Variants in AFF3 observed in about 807,000 individuals in gnomAD.
The protein encoded by AFF3 is ALF transcription elongation factor 3.
AFF3 carries 32 observed loss-of-function variants against 129.7 expected under a neutral mutation model. The ratio of observed to expected loss-of-function variants is 0.25; its 90% CI spans 0.19 to 0.33. The LOEUF is 0.33. Among genes scored for constraint, AFF3 ranks in the 10% least tolerant of loss-of-function variants. The pLI is 1.00. For synonymous variants in AFF3, 644 were observed against 635.4 expected (o/e 1.01, Z -0.20); for missense variants, 1,373 against 1,592.0 (o/e 0.86, Z 2.34).
intron 4 of AFF3, among the ~76,000 whole-genome samples, chr2:100,092,746 C>T (rs541683794): frequency 0.012 from 1,834 of 152,048 alleles, 28 homozygotes; most frequent in African/African-American, 0.042. Flanking sequence ...CCGCTCCCAG[C>T]CTGGCTAACT....
At chr2:100,073,529 T>G (rs1688364759) in intron 4 of AFF3, among the ~76,000 whole-genome samples, 1 of 152,192 alleles carries the variant, frequency 6.6e-6, no homozygotes. Context: ...GCTGTGGGAC[T>G]TTATAGGGCA....
intron 17 of AFF3, among the ~76,000 whole-genome samples, chr2:99,580,365 A>G (rs1677412805): frequency 6.6e-6 from 1 of 152,122 alleles, no homozygotes; most frequent in South Asian, 2.1e-4. Flanking sequence ...AGCAGAGTTG[A>G]GTAGCTGGGA....
chr2:99,949,836 T>C (rs1576413282), intron 7 of AFF3, among the ~76,000 whole-genome samples: 1 of 152,042 alleles, frequency 6.6e-6, no homozygotes, highest in African/African-American at 2.4e-5. Flanking sequence ...GGCCCAGGGG[T>C]TGGGGACTCT....
rs75176854 is a variant in AFF3 at position 100,124,678 on chromosome 2, G to C, written c.-145+4546C>G. Reference sequence around the variant, plus strand: ...TGGAGCAGAAGGGGGGAGATGGGGGGGTGTATCAGGTCTTCAGGAAAAGGG... The same window carrying C: ...TGGAGCAGAAGGGGGGAGATGGGGGCGTGTATCAGGTCTTCAGGAAAAGGG... On this transcript the variant is annotated intron_variant, in intron 2 of 24. Coordinates refer to ENST00000672756, the MANE Select transcript of AFF3 (RefSeq NM_001386135.1). 2.8e-3 allele frequency among the ~76,000 whole-genome samples: 424 copies of C among 149,884 alleles called. 1 individual carries two copies. Among genetic ancestry groups the C allele is most frequent in the African/African-American group, 9.3e-3 (380 of 40,680 alleles).
At chr2:99,578,764 G>A (rs1677230812) in intron 17 of AFF3, among the ~76,000 whole-genome samples, 1 of 152,204 alleles carries the variant, frequency 6.6e-6, no homozygotes, top group South Asian at 2.1e-4. Context: ...CTGTGGTGGA[G>A]GCCAGGGGTT....
At position 99,727,128 on chromosome 2, in the gene AFF3, T is replaced by G; in HGVS notation, c.1040A>C (p.Lys347Thr). 1 of 1,609,344 alleles carries G rather than the reference T, an allele frequency of 6.2e-7. No individual in the cohort carries two copies. The highest frequency in any genetic ancestry group is 8.5e-7 in the Non-Finnish European group (1 of 1,178,718). The change falls in exon 11 of 25, where the codon AAG becomes ACG. Residue 347 changes from lysine (K) to threonine (T), a missense_variant and splice_region_variant. Physicochemically the swap from Lys to Thr is moderately conservative, Grantham distance 78 (BLOSUM62 -1). Transcript: ENST00000672756. ...QLVSSGHNNPKKGDAEPESPD... is the reference protein window; with the variant it reads ...QLVSSGHNNPTKGDAEPESPD... ...ACTCTCTGGCTCTGCATCACCTTTC[T>G]CTTAAAAAGGAAGCAGAAAAAAATA...
At chr2:99,893,668 A>C (rs1327783050) in intron 7 of AFF3, among the ~76,000 whole-genome samples, 1 of 152,196 alleles carries the variant, frequency 6.6e-6, no homozygotes, top group Non-Finnish European at 1.5e-5. Context: ...TCTACAGTCT[A>C]TGGCATTTTG....
intron 8 of AFF3, among the ~76,000 whole-genome samples, chr2:99,772,307 G>T (rs17023087): frequency 0.1 from 15,629 of 152,136 alleles, 2,488 homozygotes; most frequent in African/African-American, 0.34. Context: ...GGCTTCCCAT[G>T]GGTGAGTCCT....
intron 4 of AFF3, among the ~76,000 whole-genome samples, chr2:100,022,815 T>G (rs1683705698): frequency 6.6e-6 from 1 of 152,094 alleles, no homozygotes; most frequent in Admixed American, 6.5e-5. Flanking sequence ...ATAAATTTAT[T>G]AATGTGAAGA....
intron 13 of AFF3, among the ~76,000 whole-genome samples, chr2:99,637,142 T>C (rs1316850093): frequency 6.6e-6 from 1 of 152,220 alleles, no homozygotes; most frequent in Non-Finnish European, 1.5e-5. Context: ...ACAGACTCCA[T>C]GGGCTTTGGC....
At chr2:100,086,898 G>C (rs1451557858) in intron 4 of AFF3, among the ~76,000 whole-genome samples, 1 of 152,222 alleles carries the variant, frequency 6.6e-6, no homozygotes, top group Non-Finnish European at 1.5e-5. Context: ...ACAGCCCTTA[G>C]AGTTAGGCAA....
At chr2:99,811,724 A>C (rs554248583) in intron 8 of AFF3, among the ~76,000 whole-genome samples, 30 of 152,396 alleles carry the variant, frequency 2.0e-4, no homozygotes, top group African/African-American at 7.2e-4. Flanking sequence ...AGGGAACGAA[A>C]GGACAGAAAG....
intron 15 of AFF3, among the ~76,000 whole-genome samples, chr2:99,592,474 G>A (rs148968581): frequency 2.2e-4 from 34 of 152,352 alleles, no homozygotes; most frequent in African/African-American, 8.2e-4. Flanking sequence ...GGGCCAATGA[G>A]TGATCCCACC....
intron 18 of AFF3, among the ~76,000 whole-genome samples, chr2:99,571,025 G>A (rs1676429051): frequency 6.6e-6 from 1 of 152,250 alleles, no homozygotes. Context: ...TACTGGGCAT[G>A]TGTGCAACTT....
intron 13 of AFF3, among the ~76,000 whole-genome samples, chr2:99,636,540 G>A (rs183845822): frequency 3.4e-4 from 52 of 152,322 alleles, no homozygotes; most frequent in Admixed American, 9.8e-4. Context: ...AAGGCAGTGT[G>A]ACAATTCAAA....
At chr2:100,018,682 CT>C (rs1479295791) in intron 4 of AFF3, among the ~76,000 whole-genome samples, 1 of 151,958 alleles carries the variant, frequency 6.6e-6, no homozygotes, top group Non-Finnish European at 1.5e-5. Flanking sequence ...AGCAATTACT[CT>C]GATTTACCAT....
At chr2:99,779,983 T>C (rs1343832228) in intron 8 of AFF3, among the ~76,000 whole-genome samples, 1 of 152,160 alleles carries the variant, frequency 6.6e-6, no homozygotes, top group Non-Finnish European at 1.5e-5. Flanking sequence ...TAAGAAAAGA[T>C]AAAGAACACA....
chr2:99,718,118 C>T (rs13030932), intron 11 of AFF3, among the ~76,000 whole-genome samples: 129,934 of 152,236 alleles, frequency 0.85, 55,572 homozygotes, highest in East Asian at 0.92. Context: ...GCCTCTAACT[C>T]TGTTGTTCTT....
intron 14 of AFF3, among the ~76,000 whole-genome samples, chr2:99,600,214 C>T (rs745698375): frequency 6.6e-6 from 1 of 151,984 alleles, no homozygotes; most frequent in African/African-American, 2.4e-5. Context: ...GGAAGGAGAG[C>T]GTGGAGAGAT....
Sources: gnomAD v4.1 joint callset for allele counts (sites outside exome capture counted in the v4.1 genomes callset) on GRCh38, gnomAD v4.1.1 for gene constraint, MANE v1.5 for transcripts, NCBI Gene and HGNC (gene_info 2026-07-23, HGNC 2026-07-21) for gene names.